Variants in CWF19L2 observed in about 807,000 individuals in gnomAD.
CWF19L2 encodes the protein CWF19-like protein 2.
A neutral mutation model predicts 111.7 loss-of-function variants in CWF19L2; 98 were observed. The observed-to-expected ratio is 0.88, with a 90% CI of 0.75 to 1.04. The LOEUF is 1.04. Among genes scored for constraint, CWF19L2 ranks in the 50% least tolerant of loss-of-function variants. CWF19L2 has a pLI of 0.00. For synonymous variants in CWF19L2, 351 were observed against 342.9 expected (o/e 1.02, Z -0.26); for missense variants, 1,101 against 1,051.4 (o/e 1.05, Z -0.65).
intron 14 of CWF19L2, among the ~76,000 whole-genome samples, chr11:107,344,751 T>C (rs1035542532): frequency 6.6e-6 from 1 of 152,356 alleles, no homozygotes. Flanking sequence ...GTTGAGATTG[T>C]CTTTATAAGT....
intron 16 of CWF19L2, among the ~76,000 whole-genome samples, chr11:107,332,200 A>G (rs1859859676): frequency 6.6e-6 from 1 of 152,158 alleles, no homozygotes; most frequent in African/African-American, 2.4e-5. Context: ...TGTTTTTTCA[A>G]TTGCTATAGT....
chr11:107,440,424 C>T (rs896359787), intron 5 of CWF19L2, among the ~76,000 whole-genome samples: 1 of 152,104 alleles, frequency 6.6e-6, no homozygotes. Flanking sequence ...TAAAGTTTAA[C>T]CTAAAGGGAT....
Position 107,392,938 on chromosome 11 carries a change from A to T in CWF19L2, c.1618-43T>A, listed in dbSNP as rs1202864062. On this transcript the variant is annotated intron_variant, in intron 10 of 17. Transcript: ENST00000282251. Reference sequence around the variant, plus strand: ...GATAACTATTGAAATTATTGTGAAGAATGTTGAATGTTTTTATTTAATAAC... The same window carrying T: ...GATAACTATTGAAATTATTGTGAAGTATGTTGAATGTTTTTATTTAATAAC... 3 of 1,188,544 alleles carry T rather than the reference A, an allele frequency of 2.5e-6. No individual in the cohort carries two copies. In the South Asian group the frequency reaches 4.2e-5, roughly 17 times the overall value. 73.6% of individuals were successfully genotyped at this position (1,188,544 alleles called of 1,614,324 possible).
At chr11:107,353,776 G>A (rs1236061790) in intron 12 of CWF19L2, 40 bp from the exon 13 acceptor site, 2 of 1,534,644 alleles carry the variant, frequency 1.3e-6, no homozygotes, top group Admixed American at 1.7e-5. Context: ...GTAGAAGGTA[G>A]TGATTAAGAT....
chr11:107,354,231 G>A (rs1026228663), intron 12 of CWF19L2, among the ~76,000 whole-genome samples: 1 of 151,678 alleles, frequency 6.6e-6, no homozygotes, highest in African/African-American at 2.4e-5. Context: ...ACCTCCTTAG[G>A]TAGTTATGAG....
rs201757956 is a variant in CWF19L2, at chr11:107,452,911, AG to A, written c.339+1538del. Among the ~76,000 whole-genome samples the A allele has an allele frequency of 9.0e-3, 1,377 of 152,318 alleles. 19 individuals carry two copies. Among genetic ancestry groups the A allele is most frequent in the African/African-American group, 0.031 (1,301 of 41,578 alleles). Reference sequence around the variant, plus strand: ...AGGATTGCTTGAGCCCAGGAGTTTGAGGCTGCAATGAGCCATGATGGTGCCA... The same window carrying A: ...AGGATTGCTTGAGCCCAGGAGTTTGAGCTGCAATGAGCCATGATGGTGCCA... On this transcript the variant is annotated intron_variant, in intron 3 of 17. Transcript: ENST00000282251.
At chr11:107,413,336 A>G (rs547417222) in intron 10 of CWF19L2, among the ~76,000 whole-genome samples, 1 of 152,308 alleles carries the variant, frequency 6.6e-6, no homozygotes, top group East Asian at 1.9e-4. Context: ...TCAAAAATGG[A>G]AAATGTTGCA....
At chr11:107,384,697 G>A (rs771850139) in intron 12 of CWF19L2, among the ~76,000 whole-genome samples, 13 of 152,182 alleles carry the variant, frequency 8.5e-5, no homozygotes, top group Non-Finnish European at 1.6e-4. Context: ...TACATACTGT[G>A]TATGGCTGCT....
chr11:107,416,550 G>C (rs1298545260), intron 9 of CWF19L2, among the ~76,000 whole-genome samples: 1 of 152,140 alleles, frequency 6.6e-6, no homozygotes, highest in Admixed American at 6.5e-5. Flanking sequence ...GGAAGAGATA[G>C]ATGAAGGAAA....
chr11:107,361,488 ATT>A (rs1384367834), intron 12 of CWF19L2, among the ~76,000 whole-genome samples: 1 of 152,084 alleles, frequency 6.6e-6, no homozygotes, highest in Admixed American at 6.5e-5. Flanking sequence ...GAATTTTAAT[ATT>A]GTTTGTTCTA....
intron 13 of CWF19L2, among the ~76,000 whole-genome samples, chr11:107,351,430 T>C (rs991383507): frequency 2.0e-5 from 3 of 152,144 alleles, no homozygotes; most frequent in African/African-American, 7.2e-5. Flanking sequence ...GACCTTCACC[T>C]AAGTTTCAGA....
intron 12 of CWF19L2, among the ~76,000 whole-genome samples, chr11:107,387,031 T>C (rs1267532252): frequency 6.6e-6 from 1 of 150,402 alleles, no homozygotes; most frequent in Non-Finnish European, 1.5e-5. Flanking sequence ...TCCAGCCTGG[T>C]GACAGAGCGA....
intron 8 of CWF19L2, among the ~76,000 whole-genome samples, chr11:107,423,927 C>A (rs1165230664): frequency 2.7e-5 from 4 of 147,460 alleles, no homozygotes; most frequent in African/African-American, 4.9e-5. Context: ...TATATATGAG[C>A]AAAAAAAAAA....
intron 10 of CWF19L2, among the ~76,000 whole-genome samples, chr11:107,413,579 A>G (rs183034108): frequency 3.1e-3 from 472 of 152,330 alleles, no homozygotes; most frequent in African/African-American, 0.01. Flanking sequence ...AACCACAAGG[A>G]CACCTGAAAA....
At chr11:107,394,885 A>T (rs1263774248) in intron 10 of CWF19L2, among the ~76,000 whole-genome samples, 2 of 152,210 alleles carry the variant, frequency 1.3e-5, no homozygotes, top group African/African-American at 4.8e-5. Flanking sequence ...TTCTTTGCTT[A>T]AAAATCTGCA....
chr11:107,399,204 G>A (rs565745264), intron 10 of CWF19L2, among the ~76,000 whole-genome samples: 5 of 152,190 alleles, frequency 3.3e-5, no homozygotes, highest in Admixed American at 2.0e-4. Context: ...GAAAAGTAAC[G>A]GTACCTCACC....
At position 107,429,532 on chromosome 11, in the gene CWF19L2, TCACTGCCAAGTGGCACA is replaced by T. The variant is rs1363542294; in HGVS notation, c.781-98_781-82del. 4.4e-6 allele frequency: 5 copies of T among 1,125,914 alleles called. No homozygotes were observed. In the African/African-American group the frequency reaches 7.9e-5, roughly 18 times the overall value. 69.7% of individuals were successfully genotyped at this position (1,125,914 alleles called of 1,614,324 possible). A position where few individuals can be genotyped will look rare whatever the true frequency, so the allele number is the denominator to read the frequency against. ...TGCACCCCACATGTCACTGTATGAC[TCACTGCCAAGTGGCACA>T]CTGAAAAGCCCACTAACGGGGTGAA... is the stretch of plus-strand genomic sequence containing the variant. On this transcript the variant is annotated intron_variant, in intron 7 of 17. Transcript: ENST00000282251.
At position 107,334,931 on chromosome 11, in the gene CWF19L2, A is replaced by T. The variant is rs748502066; in HGVS notation, c.2389T>A (p.Ser797Thr). ...KAIMESDEEW[S>T]MNKKLIDLSS... ...AGATCTATCAACTTCTTGTTCATGG[A>T]CCACTCTTCATCAGATTCCATTATG... Residue 797 changes from serine (S) to threonine (T), a missense_variant, in exon 16 of 18, where the codon TCC (serine) becomes ACC (threonine). Ser to Thr is a moderately conservative substitution (Grantham distance 58, BLOSUM62 1). Coordinates refer to ENST00000282251, the MANE Select transcript of CWF19L2 (RefSeq NM_152434.3). 1 of 1,607,126 alleles carries T rather than the reference A, an allele frequency of 6.2e-7. No homozygotes were observed. Among genetic ancestry groups the T allele is most frequent in the Non-Finnish European group, 8.5e-7 (1 of 1,174,082 alleles).
chr11:107,408,179 T>C (rs1311802666), intron 10 of CWF19L2, among the ~76,000 whole-genome samples: 3 of 152,032 alleles, frequency 2.0e-5, no homozygotes, highest in Non-Finnish European at 4.4e-5. Context: ...GTCAAAGGAC[T>C]GTAATTATAT....
Sources: gnomAD v4.1 joint callset for allele counts (sites outside exome capture counted in the v4.1 genomes callset) on GRCh38, gnomAD v4.1.1 for gene constraint, MANE v1.5 for transcripts, NCBI Gene and HGNC (gene_info 2026-07-23, HGNC 2026-07-21) for gene names.